TMEM178B: variants seen among roughly 807,000 people sequenced by gnomAD.
TMEM178B encodes the protein transmembrane protein 178B.
TMEM178B carries 5 observed loss-of-function variants against 31.0 expected under a neutral mutation model. The observed-to-expected ratio is 0.16, with a 90% CI of 0.08 to 0.34. The LOEUF (loss-of-function observed/expected upper bound fraction) is 0.34, where lower values mean the gene tolerates loss of function less well. TMEM178B is among the 10% of genes least tolerant of loss of function. The probability of loss-of-function intolerance (pLI) is 1.00; values close to 1 mark genes in which losing one functional copy is unlikely to be tolerated. For synonymous variants in TMEM178B, 164 were observed against 164.0 expected (o/e 1.00, Z 0.00); for missense variants, 275 against 400.3 (o/e 0.69, Z 2.67).
chr7:141,087,455 A>G (rs1262503175), intron 1 of TMEM178B, among the ~76,000 whole-genome samples: 1 of 152,188 alleles, frequency 6.6e-6, no homozygotes, highest in Non-Finnish European at 1.5e-5. Context: ...TCCAAGAGCC[A>G]CTAAAGTCAC....
At chr7:141,384,534 G>A (rs572539965) in intron 2 of TMEM178B, among the ~76,000 whole-genome samples, 3 of 152,068 alleles carry the variant, frequency 2.0e-5, no homozygotes, top group Non-Finnish European at 2.9e-5. Flanking sequence ...GTAGATGTGT[G>A]GTATTATTTC....
At position 141,229,271 on chromosome 7, in the gene TMEM178B, G is replaced by A. The variant is rs573707071; in HGVS notation, c.496+16567G>A. Among the ~76,000 whole-genome samples the A allele has an allele frequency of 3.9e-5, 6 of 152,010 alleles. No homozygotes were observed. In the South Asian group the frequency reaches 1.0e-3, roughly 26 times the overall value. On this transcript the variant is annotated intron_variant, in intron 2 of 3. Transcript: ENST00000565468. ...ATTTTTTAAGAGTTGTCAGGGAGACGGAAACCTAACAGTAAATCCAGCTAA... is the reference window on the plus strand; with the variant it reads ...ATTTTTTAAGAGTTGTCAGGGAGACAGAAACCTAACAGTAAATCCAGCTAA...
intron 2 of TMEM178B, among the ~76,000 whole-genome samples, chr7:141,396,496 G>A (rs1192551049): frequency 6.6e-6 from 1 of 151,442 alleles, no homozygotes; most frequent in Non-Finnish European, 1.5e-5. Flanking sequence ...AGGGCTCAAC[G>A]GGTCTGGGCC....
At chr7:141,346,657 C>CT (rs962305002) in intron 2 of TMEM178B, among the ~76,000 whole-genome samples, 187 of 148,234 alleles carry the variant, frequency 1.3e-3, no homozygotes, top group Middle Eastern at 3.5e-3. Flanking sequence ...TAATTCTTTG[C>CT]TTTTTTTTTT....
rs1445206898 is a variant in TMEM178B, at chr7:141,134,303, GA to G, written c.382+59619del. On this transcript the variant is annotated intron_variant, in intron 1 of 3. Transcript: ENST00000565468. ...AACACAACAATGTGCAGAAAGGGGG[GA>G]AAAAAAAGAAAAGCCATCAGCTAAG... is the stretch of plus-strand genomic sequence containing the variant. Among the ~76,000 whole-genome samples the G allele has an allele frequency of 1.4e-4, 21 of 151,344 alleles. No homozygotes were observed. In the South Asian group the frequency reaches 2.1e-3, roughly 15 times the overall value.
chr7:141,174,823 G>A (rs1318619564), intron 1 of TMEM178B, among the ~76,000 whole-genome samples: 1 of 152,148 alleles, frequency 6.6e-6, no homozygotes, highest in East Asian at 1.9e-4. Flanking sequence ...GTTTTTTCAT[G>A]TAAATCTGTT....
intron 2 of TMEM178B, among the ~76,000 whole-genome samples, chr7:141,223,510 A>G (rs1435435494): frequency 2.4e-5 from 3 of 124,252 alleles, no homozygotes; most frequent in African/African-American, 1.2e-4. Context: ...TTTCCCTGAT[A>G]TCTAACTCTG....
At chr7:141,140,135 A>G (rs568134135) in intron 1 of TMEM178B, among the ~76,000 whole-genome samples, 80 of 152,226 alleles carry the variant, frequency 5.3e-4, no homozygotes, top group African/African-American at 1.9e-3. Context: ...ATACCCCCTC[A>G]GCCTTATTTC....
intron 2 of TMEM178B, among the ~76,000 whole-genome samples, chr7:141,219,983 A>G (rs776367986): frequency 2.0e-5 from 3 of 152,154 alleles, no homozygotes; most frequent in Non-Finnish European, 4.4e-5. Context: ...GCCCCAAGGA[A>G]TGATGGCAAG....
At chr7:141,436,506 G>C (rs1288020932) in intron 2 of TMEM178B, among the ~76,000 whole-genome samples, 1 of 152,170 alleles carries the variant, frequency 6.6e-6, no homozygotes. Context: ...TGGATGGGTG[G>C]AGAGAGGGCC....
chr7:141,486,736 C>T, the TMEM178B span, among the ~76,000 whole-genome samples: 1 of 152,124 alleles, frequency 6.6e-6, no homozygotes, highest in African/African-American at 2.4e-5. Context: ...AGGCACAGTC[C>T]TGGGTTATGG....
intron 2 of TMEM178B, among the ~76,000 whole-genome samples, chr7:141,232,882 G>T (rs1179365536): frequency 6.6e-6 from 1 of 152,186 alleles, no homozygotes; most frequent in Non-Finnish European, 1.5e-5. Context: ...GGAAGCAGGA[G>T]ATTAGTAATG....
intron 2 of TMEM178B, among the ~76,000 whole-genome samples, chr7:141,385,830 T>A (rs1157980170): frequency 9.9e-5 from 15 of 152,200 alleles, no homozygotes; most frequent in Admixed American, 5.2e-4. Flanking sequence ...GAAGAGCAAT[T>A]CCCTGACAAC....
At chr7:141,483,860 C>T (rs1477397669), downstream of TMEM178B, among the ~76,000 whole-genome samples, 6 of 151,994 alleles carry the variant, frequency 3.9e-5, no homozygotes, top group South Asian at 2.1e-4. Flanking sequence ...CTTAACTTCC[C>T]GAGTAGCTGG....
At chr7:141,106,296 T>C (rs1199024307) in intron 1 of TMEM178B, among the ~76,000 whole-genome samples, 1 of 152,212 alleles carries the variant, frequency 6.6e-6, no homozygotes. Context: ...GGCACTCTTT[T>C]TCTAGCTTGT....
intron 1 of TMEM178B, among the ~76,000 whole-genome samples, chr7:141,193,758 C>T (rs548280599): frequency 3.0e-4 from 46 of 152,302 alleles, no homozygotes; most frequent in African/African-American, 9.6e-4. Context: ...CACAACAGCC[C>T]CAGCCCAGGT....
At chr7:141,148,531 A>G (rs6973710) in intron 1 of TMEM178B, among the ~76,000 whole-genome samples, 9,103 of 152,294 alleles carry the variant, frequency 0.06, 913 homozygotes, top group African/African-American at 0.21. Context: ...GAGATGGTCA[A>G]GAATTTCAAG....
intron 3 of TMEM178B, among the ~76,000 whole-genome samples, chr7:141,445,091 T>A (rs1801729557): frequency 6.6e-6 from 1 of 152,108 alleles, no homozygotes; most frequent in South Asian, 2.1e-4. Flanking sequence ...ACCTTCCCAG[T>A]CAGTCAGGGG....
chr7:141,369,661 A>G (rs1446821854), intron 2 of TMEM178B, among the ~76,000 whole-genome samples: 1 of 152,204 alleles, frequency 6.6e-6, no homozygotes, highest in African/African-American at 2.4e-5. Flanking sequence ...CTGTGAGCCC[A>G]GGTTTACAGA....
Sources: allele counts gnomAD v4.1 joint callset (sites outside exome capture counted in the v4.1 genomes callset), GRCh38; gene constraint gnomAD v4.1.1; transcripts MANE v1.5; gene names NCBI Gene and HGNC (gene_info 2026-07-23, HGNC 2026-07-21).